Variants in GHR observed in about 807,000 individuals in gnomAD.
GHR encodes GH receptor.
Under a neutral mutation model 67.1 loss-of-function variants are expected in GHR, and 35 were observed. That is an observed-to-expected ratio of 0.52 (90% CI 0.40 to 0.69). The LOEUF (loss-of-function observed/expected upper bound fraction) is 0.69. Ranked by LOEUF, GHR falls within the 30% of genes least tolerant of loss-of-function variation. The pLI is 0.00. For synonymous variants in GHR, 272 were observed against 269.1 expected (o/e 1.01, Z -0.10); for missense variants, 792 against 764.6 (o/e 1.04, Z -0.42).
At chr5:42,613,955 G>A (rs1753012699) in intron 2 of GHR, among the ~76,000 whole-genome samples, 1 of 152,064 alleles carries the variant, frequency 6.6e-6, no homozygotes, top group Non-Finnish European at 1.5e-5. Flanking sequence ...TCCATTGACT[G>A]TTGAAAACTA....
At chr5:42,445,154 A>G (rs1743752700) in intron 1 of GHR, among the ~76,000 whole-genome samples, 1 of 152,250 alleles carries the variant, frequency 6.6e-6, no homozygotes, top group South Asian at 2.1e-4. Flanking sequence ...TATAGTACCT[A>G]GCCATGTGCT....
intron 2 of GHR, among the ~76,000 whole-genome samples, chr5:42,583,240 C>T (rs1474902609): frequency 1.3e-5 from 2 of 152,196 alleles, no homozygotes; most frequent in African/African-American, 2.4e-5. Flanking sequence ...TTTGGGAAGC[C>T]TTGCTTCAGC....
intron 1 of GHR, among the ~76,000 whole-genome samples, chr5:42,503,872 T>C (rs1746643518): frequency 6.6e-6 from 1 of 152,148 alleles, no homozygotes; most frequent in African/African-American, 2.4e-5. Context: ...GAGGCTGTTA[T>C]AAAAGTTGCA....
chr5:42,608,938 T>C (rs1362371295), intron 2 of GHR, among the ~76,000 whole-genome samples: 1 of 152,128 alleles, frequency 6.6e-6, no homozygotes, highest in Non-Finnish European at 1.5e-5. Context: ...GTTGTTTATT[T>C]TAACTATCAA....
At chr5:42,552,009 A>T (rs1042182884) in intron 1 of GHR, among the ~76,000 whole-genome samples, 1 of 152,222 alleles carries the variant, frequency 6.6e-6, no homozygotes, top group Non-Finnish European at 1.5e-5. Context: ...CATAAAGTTT[A>T]TGTGTCTGTC....
rs1365168767 is a variant in GHR, at chr5:42,637,879, C to CACTG, written c.136+8777_136+8780dup. ...TTTTAATTTCCTTGAGAAATCTCCA[C>CACTG]ACTGTTTTCCACAGTGGCTGAACTA... On this transcript the variant is annotated intron_variant, in intron 3 of 9. Coordinates refer to ENST00000230882, the MANE Select transcript of GHR (RefSeq NM_000163.5). Among the ~76,000 whole-genome samples the CACTG allele has an allele frequency of 8.5e-5, 13 of 152,188 alleles. No individual in the cohort carries two copies. In the East Asian group the frequency reaches 2.3e-3, roughly 27 times the overall value.
At position 42,630,198 on chromosome 5, in the gene GHR, C is replaced by A. The variant is rs1753872208; in HGVS notation, c.136+1095C>A. 2.3e-5 allele frequency among the ~76,000 whole-genome samples: 3 copies of A among 132,598 alleles called. 1 individual carries two copies. The South Asian group carries it at 7.0e-4, about 31-fold the overall frequency. The allele number at this position is 132,598 out of a possible 152,430, so 87.0% of individuals were successfully genotyped here. On this transcript the variant is annotated intron_variant, in intron 3 of 9. Transcript: ENST00000230882. ...TGTGGACTGCATGAATGAATTAATT[C>A]TATTGAACTTTAAGGCAAAGCCTAA...
intron 2 of GHR, among the ~76,000 whole-genome samples, chr5:42,589,100 G>C (rs1751644230): frequency 6.6e-6 from 1 of 152,142 alleles, no homozygotes; most frequent in Admixed American, 6.5e-5. Context: ...GTGACCTGTT[G>C]TTTCCTTTCT....
chr5:42,536,804 G>A (rs571897881), intron 1 of GHR, among the ~76,000 whole-genome samples: 4 of 151,698 alleles, frequency 2.6e-5, no homozygotes, highest in Non-Finnish European at 5.9e-5. Flanking sequence ...TGGGCTTTTT[G>A]TCGGTAAGCC....
intron 1 of GHR, among the ~76,000 whole-genome samples, chr5:42,482,124 A>G (rs1189342111): frequency 6.6e-6 from 1 of 151,994 alleles, no homozygotes; most frequent in African/African-American, 2.4e-5. Flanking sequence ...CTGCAGGTCC[A>G]TTGGAGTTTG....
At chr5:42,559,449 C>T (rs974343618) in intron 1 of GHR, among the ~76,000 whole-genome samples, 16 of 152,098 alleles carry the variant, frequency 1.1e-4, no homozygotes, top group African/African-American at 2.4e-4. Flanking sequence ...GGGAGGCTGA[C>T]GAAGGAGGAT....
At chr5:42,503,778 CCTCT>C (rs1746638706) in intron 1 of GHR, among the ~76,000 whole-genome samples, 2 of 149,616 alleles carry the variant, frequency 1.3e-5, no homozygotes, top group Non-Finnish European at 3.0e-5. Flanking sequence ...TCAGGGAATG[CCTCT>C]CTAATTAGAT....
chr5:42,677,631 G>A (rs1481201268), intron 3 of GHR, among the ~76,000 whole-genome samples: 14 of 152,086 alleles, frequency 9.2e-5, no homozygotes, highest in Admixed American at 8.5e-4. Flanking sequence ...CTCTCAACCC[G>A]CAACCAACAG....
At chr5:42,432,672 G>A (rs1743145731) in intron 1 of GHR, among the ~76,000 whole-genome samples, 1 of 152,160 alleles carries the variant, frequency 6.6e-6, no homozygotes, top group Non-Finnish European at 1.5e-5. Context: ...TTCCCCTGGG[G>A]ATAGAAGAAG....
chr5:42,638,923 A>T (rs956335238), intron 3 of GHR, among the ~76,000 whole-genome samples: 4 of 152,190 alleles, frequency 2.6e-5, no homozygotes, highest in African/African-American at 9.7e-5. Flanking sequence ...AAGAGGTATT[A>T]TGGTTATGTT....
At chr5:42,546,954 ATAC>A (rs1470580971) in intron 1 of GHR, among the ~76,000 whole-genome samples, 1 of 152,226 alleles carries the variant, frequency 6.6e-6, no homozygotes. Flanking sequence ...TTTCTGATTT[ATAC>A]TGCAAATTCT....
intron 3 of GHR, among the ~76,000 whole-genome samples, chr5:42,648,084 C>G (rs1754833926): frequency 6.6e-6 from 1 of 152,046 alleles, no homozygotes; most frequent in Non-Finnish European, 1.5e-5. Context: ...GTAAAAAGAG[C>G]GTAGAAACCC....
intron 2 of GHR, among the ~76,000 whole-genome samples, chr5:42,603,480 A>G (rs1481637444): frequency 2.6e-5 from 4 of 152,024 alleles, no homozygotes; most frequent in African/African-American, 4.8e-5. Context: ...TAATATGTAT[A>G]TGGGTTCACT....
chr5:42,567,818 A>C (rs1750035308), intron 2 of GHR, among the ~76,000 whole-genome samples: 1 of 144,048 alleles, frequency 6.9e-6, no homozygotes, highest in Non-Finnish European at 1.5e-5. Flanking sequence ...TGTGTGTTCT[A>C]GTTCTGGCCA....
Sources: gnomAD v4.1 joint callset for allele counts (sites outside exome capture counted in the v4.1 genomes callset) on GRCh38, gnomAD v4.1.1 for gene constraint, MANE v1.5 for transcripts, NCBI Gene and HGNC (gene_info 2026-07-23, HGNC 2026-07-21) for gene names.